Variants in DISP1 observed in about 807,000 individuals in gnomAD.
DISP1 encodes dispatched RND transporter family member 1, also known as protein dispatched homolog 1.
In DISP1, 30 loss-of-function variants were observed where a neutral mutation model predicts 37.3. The ratio of observed to expected loss-of-function variants is 0.80; its 90% CI spans 0.60 to 1.09. The LOEUF is 1.09. Among genes scored for constraint, DISP1 ranks in the 50% least tolerant of loss-of-function variants. The probability of loss-of-function intolerance (pLI) is 0.00; values close to 1 mark genes in which losing one functional copy is unlikely to be tolerated. For missense variants in DISP1, 1,598 were observed against 1,879.5 expected (o/e 0.85, Z 2.77); for synonymous variants, 634 against 690.2 (o/e 0.92, Z 1.28).
rs1677610585 is a variant in DISP1, at chr1:222,978,878, A to G, written c.510-4202A>G. On this transcript the variant is annotated intron_variant, in intron 3 of 8. Transcript: ENST00000675850. ...GGGCTGTGTTCTGTTCCATTGGTCT[A>G]TCTCTCTGTTTTGGTACCAGTACCA... Among the ~76,000 whole-genome samples the G allele has an allele frequency of 2.6e-5, 4 of 152,198 alleles. No individual in the cohort carries two copies. The South Asian group carries it at 8.3e-4, about 32-fold the overall frequency.
intron 2 of DISP1, among the ~76,000 whole-genome samples, chr1:222,935,603 A>G (rs1558338394): frequency 6.6e-6 from 1 of 152,196 alleles, no homozygotes; most frequent in Non-Finnish European, 1.5e-5. Context: ...TGCTTTGGAA[A>G]TAGCCAAGAG....
intron 1 of DISP1, among the ~76,000 whole-genome samples, chr1:222,923,630 G>T (rs1240842358): frequency 6.6e-6 from 1 of 152,126 alleles, no homozygotes; most frequent in Non-Finnish European, 1.5e-5. Context: ...TGCTGAGAAG[G>T]TTAAGGTAGG....
At chr1:222,949,966 C>T (rs1166753354) in intron 3 of DISP1, among the ~76,000 whole-genome samples, 1 of 152,224 alleles carries the variant, frequency 6.6e-6, no homozygotes, top group Non-Finnish European at 1.5e-5. Flanking sequence ...AGTCTCTCCT[C>T]ACCATGAGGC....
At chr1:222,852,920 A>C (rs550193550) in intron 1 of DISP1, among the ~76,000 whole-genome samples, 169 of 152,256 alleles carry the variant, frequency 1.1e-3, no homozygotes, top group African/African-American at 4.0e-3. Flanking sequence ...GGTGTACAAT[A>C]GTGAGTAGTG....
chr1:222,943,360 G>A, intron 3 of DISP1, 28 bp downstream of exon 3: 1 of 1,614,100 alleles, frequency 6.2e-7, no homozygotes, highest in Non-Finnish European at 8.5e-7. Context: ...TTTGCTTTTA[G>A]CATTCAACTA....
rs1679707882 is a variant in DISP1 at position 223,004,241 on chromosome 1, C to T, written c.2844C>T (p.Asp948=). Residue 948 remains aspartate (D), a synonymous_variant, in exon 9 of 9, where the codon GAC becomes GAT. Coordinates refer to ENST00000675850, the MANE Select transcript of DISP1 (RefSeq NM_001377229.1). This position sits in a 1 kb window ranked among gnomAD's most constrained non-coding sequence, Gnocchi z 4.9. ...EKMHQFYKEV[D]SWISSELSSA... is the part of the protein sequence containing the mutation. ...TGCATCAGTTTTATAAAGAGGTGGA[C>T]TCGTGGATATCCAGTGAGCTGAGTT... The T allele has an allele frequency of 1.2e-6, 2 of 1,614,004 alleles. No homozygotes were observed. Among genetic ancestry groups the T allele is most frequent in the South Asian group, 2.2e-5 (2 of 91,082 alleles).
At chr1:222,869,431 A>G (rs909364695) in intron 1 of DISP1, among the ~76,000 whole-genome samples, 5 of 152,076 alleles carry the variant, frequency 3.3e-5, no homozygotes, top group East Asian at 3.8e-4. Flanking sequence ...CCTTTTCTCA[A>G]TTTAGGTGTG....
chr1:222,925,184 G>T (rs1009192514), intron 1 of DISP1, among the ~76,000 whole-genome samples: 6 of 152,012 alleles, frequency 3.9e-5, no homozygotes, highest in Admixed American at 1.3e-4. Context: ...ATGTTTAAAT[G>T]AAGTGATTAG....
intron 2 of DISP1, among the ~76,000 whole-genome samples, chr1:222,942,315 C>G (rs1195267526): frequency 6.6e-6 from 1 of 152,066 alleles, no homozygotes; most frequent in African/African-American, 2.4e-5. Context: ...TGAGATTTTT[C>G]TAAGATACAA....
intron 3 of DISP1, among the ~76,000 whole-genome samples, chr1:222,969,321 G>T (rs1000598393): frequency 1.7e-5 from 2 of 116,496 alleles, no homozygotes; most frequent in African/African-American, 3.3e-5. Context: ...AGTGATCCAA[G>T]ATCATGCCAT....
chr1:222,943,521 C>A, intron 3 of DISP1, 189 bp downstream of exon 3: 1 of 724,798 alleles, frequency 1.4e-6, no homozygotes, highest in Non-Finnish European at 2.3e-6. Context: ...CGATTTTATC[C>A]ACTGACTTGT....
intron 8 of DISP1, among the ~76,000 whole-genome samples, chr1:223,000,001 T>C (rs1019947652): frequency 1.3e-5 from 2 of 152,220 alleles, no homozygotes; most frequent in East Asian, 1.9e-4. Context: ...GTCTAACCGC[T>C]TAATCTTTGG....
intron 4 of DISP1, among the ~76,000 whole-genome samples, chr1:222,988,709 A>T (rs2102731717): frequency 7.3e-6 from 1 of 136,754 alleles, no homozygotes; most frequent in Admixed American, 8.2e-5. Context: ...GCTGGAGTGC[A>T]GTGATATGAT....
chr1:222,920,177 T>G (rs1165744135), intron 1 of DISP1, among the ~76,000 whole-genome samples: 1 of 152,192 alleles, frequency 6.6e-6, no homozygotes, highest in East Asian at 1.9e-4. Context: ...ACCACATGCA[T>G]GTAGATTCAT....
At chr1:222,865,597 A>G (rs1355930556) in intron 1 of DISP1, among the ~76,000 whole-genome samples, 2 of 152,224 alleles carry the variant, frequency 1.3e-5, no homozygotes, top group African/African-American at 4.8e-5. Flanking sequence ...TTCTGTATAT[A>G]TAAGCAAAGA....
intron 1 of DISP1, among the ~76,000 whole-genome samples, chr1:222,911,163 A>G (rs1672186531): frequency 6.6e-6 from 1 of 152,158 alleles, no homozygotes; most frequent in African/African-American, 2.4e-5. Flanking sequence ...GTAATTTGAA[A>G]GGCTCTACCT....
chr1:222,977,342 CTTTTT>C (rs397982983), intron 3 of DISP1, among the ~76,000 whole-genome samples: 3 of 113,916 alleles, frequency 2.6e-5, no homozygotes, highest in Non-Finnish European at 5.1e-5. Context: ...TCAGCATATT[CTTTTT>C]TTTTTTTTTT....
At chr1:222,851,473 C>T (rs1473668079) in intron 1 of DISP1, among the ~76,000 whole-genome samples, 1 of 152,092 alleles carries the variant, frequency 6.6e-6, no homozygotes, top group Admixed American at 6.6e-5. Flanking sequence ...TGTAGCGACC[C>T]TTCCCTCCCA....
chr1:222,882,235 T>A (rs897790719), intron 1 of DISP1, among the ~76,000 whole-genome samples: 1 of 152,192 alleles, frequency 6.6e-6, no homozygotes, highest in African/African-American at 2.4e-5. Context: ...TAATCAAGAA[T>A]AAAATAATTT....
Sources: allele counts gnomAD v4.1 joint callset (sites outside exome capture counted in the v4.1 genomes callset), GRCh38; gene constraint gnomAD v4.1.1; non-coding constraint Gnocchi (gnomAD v3.1); transcripts MANE v1.5; gene names NCBI Gene and HGNC (gene_info 2026-07-23, HGNC 2026-07-21).